TTC34: variants seen among roughly 807,000 people sequenced by gnomAD.
TTC34 encodes tetratricopeptide repeat domain 34.
TTC34 carries 44 observed loss-of-function variants against 40.7 expected under a neutral mutation model. The ratio of observed to expected loss-of-function variants is 1.08; its 90% CI spans 0.85 to 1.39. The LOEUF (loss-of-function observed/expected upper bound fraction) is 1.39. TTC34 is among the 40% of genes most tolerant of loss of function. The pLI is 0.00. For synonymous variants in TTC34, 422 were observed against 398.6 expected, an observed-to-expected ratio of 1.06 and a Z score of -0.70; for missense variants, 884 against 838.0, an observed-to-expected ratio of 1.05 and a Z score of -0.68.
chr1:2,639,511 G>A, exon 9 of TTC34: 1 of 152,712 alleles, frequency 6.5e-6, no homozygotes, highest in Non-Finnish European at 1.5e-5. Context: ...TGCCTCCTCT[G>A]CCTCAGTGCC....
chr1:2,698,908 A>G (rs1337794638), intron 6 of TTC34, among the ~76,000 whole-genome samples: 1 of 128,822 alleles, frequency 7.8e-6, no homozygotes, highest in Non-Finnish European at 1.7e-5. Flanking sequence ...AGCATCTGAC[A>G]GCCTGGAGTA....
intron 6 of TTC34, among the ~76,000 whole-genome samples, chr1:2,682,826 ACACCCCCAGGCGAG>A (rs1640137993): frequency 7.0e-6 from 1 of 143,698 alleles, no homozygotes; most frequent in Non-Finnish European, 1.5e-5. Flanking sequence ...AACAGCACAC[ACACCCCCAGGCGAG>A]CATCTGACAA....
intron 5 of TTC34, 51 bp from the exon 6 acceptor site, chr1:2,783,826 C>T: frequency 7.2e-7 from 1 of 1,395,108 alleles, no homozygotes; most frequent in South Asian, 1.7e-5. Flanking sequence ...GGTCCCTTCC[C>T]CAGCATCTAT....
Position 2,645,489 on chromosome 1 carries a change from CT to C in TTC34, c.2300del (p.Lys767SerfsTer20). 1.3e-6 allele frequency: 2 copies of C among 1,516,652 alleles called. No homozygotes were observed. The highest frequency in any genetic ancestry group is 1.8e-6 in the Non-Finnish European group (2 of 1,138,358). The allele number at this position is 1,516,652 out of a possible 1,614,324, so 93.9% of individuals were successfully genotyped here. A position where few individuals can be genotyped will look rare whatever the true frequency, so the allele number is the denominator to read the frequency against. Reference sequence around the variant, plus strand: ...GTGTGATGAGGGCCTGGGCTTCCGGCTTCAGAGAGCGGAGCTCAGGGACCAC... The same window carrying C: ...GTGTGATGAGGGCCTGGGCTTCCGGCTCAGAGAGCGGAGCTCAGGGACCAC... On this transcript the variant is annotated frameshift_variant, in exon 7 of 9. Transcript: ENST00000401095. LOFTEE classifies it high-confidence loss of function. This position sits in a 1 kb window ranked among gnomAD's most constrained non-coding sequence, Gnocchi z 4.7.
intron 2 of TTC34, among the ~76,000 whole-genome samples, chr1:2,799,026 C>G (rs543816391): frequency 6.8e-6 from 1 of 146,576 alleles, no homozygotes; most frequent in Non-Finnish European, 1.5e-5. Flanking sequence ...TCCAAGCCTC[C>G]CAGCCCCCTA....
chr1:2,752,743 A>C (rs1474050771), intron 6 of TTC34, among the ~76,000 whole-genome samples: 10 of 115,648 alleles, frequency 8.6e-5, no homozygotes, highest in African/African-American at 2.3e-4. Flanking sequence ...CCCCCAGGAC[A>C]GCATCTGACA....
rs1407524105 is a variant in TTC34, at chr1:2,749,759, C to T, written c.2226+33850G>A. On this transcript the variant is annotated intron_variant, in intron 6 of 8. Transcript: ENST00000401095. ...AGCATCTGACAGACTGGAACAGCTC[C>T]CACACCCCCAGGCGAGCATCTGACA... 7.9e-5 allele frequency among the ~76,000 whole-genome samples: 6 copies of T among 76,248 alleles called. 1 individual carries two copies. Among genetic ancestry groups the T allele is most frequent in the Admixed American group, 6.5e-4 (5 of 7,740 alleles). The allele number at this position is 76,248 out of a possible 152,430, so 50.0% of individuals were successfully genotyped here. A position where few individuals can be genotyped will look rare whatever the true frequency, so the allele number is the denominator to read the frequency against.
chr1:2,641,667 A>T, exon 9 of TTC34: 2 of 1,535,396 alleles, frequency 1.3e-6, no homozygotes, highest in Non-Finnish European at 1.7e-6. Flanking sequence ...CCCTGACGGC[A>T]GAAGTCCTCT....
exon 6 of TTC34, chr1:2,783,732 A>G: frequency 6.5e-7 from 1 of 1,543,030 alleles, no homozygotes; most frequent in African/African-American, 1.4e-5. Flanking sequence ...CCAGGAACCC[A>G]TAGCAGCGGG....
intron 6 of TTC34, among the ~76,000 whole-genome samples, chr1:2,779,927 G>T (rs1227663506): frequency 6.6e-6 from 1 of 151,746 alleles, no homozygotes; most frequent in Non-Finnish European, 1.5e-5. Flanking sequence ...TTTTTTGAAT[G>T]ACACAGTGAA....
Position 2,645,676 on chromosome 1 carries a change from G to T in TTC34, c.2227-113C>A. 8.8e-7 allele frequency: 1 copy of T among 1,131,950 alleles called. No homozygotes were observed. Among genetic ancestry groups the T allele is most frequent in the Non-Finnish European group, 1.2e-6 (1 of 855,490 alleles). 70.1% of individuals were successfully genotyped at this position (1,131,950 alleles called of 1,614,324 possible). A position where few individuals can be genotyped will look rare whatever the true frequency, so the allele number is the denominator to read the frequency against. ...TTCTCATTCCCTGATCTTCTCCCTG[G>T]GGTCCTAGAGGGTCTGAACACCCAG... is the stretch of plus-strand genomic sequence containing the variant. On this transcript the variant is annotated intron_variant, in intron 6 of 8. Transcript: ENST00000401095. The surrounding 1 kb of genome is among the most constrained non-coding windows in gnomAD (Gnocchi z 4.7).
intron 6 of TTC34, among the ~76,000 whole-genome samples, chr1:2,759,997 CACAACCACAGG>C (rs1641642925): frequency 8.5e-4 from 26 of 30,454 alleles, no homozygotes; most frequent in East Asian, 2.1e-3. Flanking sequence ...GAGAAGCACC[CACAACCACAGG>C]TGAGCATCGG....
chr1:2,693,637 G>A (rs568102122), intron 6 of TTC34, among the ~76,000 whole-genome samples: 1 of 73,674 alleles, frequency 1.4e-5, no homozygotes, highest in African/African-American at 5.2e-5. Flanking sequence ...CCCCAGGCGA[G>A]CATCTGACAG....
chr1:2,759,676 CA>C (rs1641628486), intron 6 of TTC34, among the ~76,000 whole-genome samples: 2 of 121,208 alleles, frequency 1.7e-5, no homozygotes, highest in Admixed American at 7.9e-5. Context: ...GCAGCACCAA[CA>C]ACCCCAGGCT....
chr1:2,677,999 A>T (rs1350347166), intron 6 of TTC34, among the ~76,000 whole-genome samples: 2 of 39,446 alleles, frequency 5.1e-5, no homozygotes, highest in Non-Finnish European at 8.7e-5. Flanking sequence ...GATGACCTGG[A>T]GCAGCACCCA....
At chr1:2,758,376 G>C (rs1641575486) in intron 6 of TTC34, among the ~76,000 whole-genome samples, 1 of 74,368 alleles carries the variant, frequency 1.3e-5, no homozygotes, top group Non-Finnish European at 2.3e-5. Context: ...GCATCTGACA[G>C]CCTGGAACAG....
chr1:2,687,920 C>G, intron 6 of TTC34, among the ~76,000 whole-genome samples: 1 of 148,204 alleles, frequency 6.7e-6, no homozygotes, highest in Non-Finnish European at 1.5e-5. Flanking sequence ...TGGAACAGCA[C>G]CCACACGCCC....
At chr1:2,685,148 A>T (rs1229246696) in intron 6 of TTC34, among the ~76,000 whole-genome samples, 1 of 143,064 alleles carries the variant, frequency 7.0e-6, no homozygotes, top group Non-Finnish European at 1.5e-5. Flanking sequence ...GGCCTGGAAC[A>T]GCACCCACAA....
chr1:2,698,930 C>A (rs1379395169), intron 6 of TTC34, among the ~76,000 whole-genome samples: 3 of 137,308 alleles, frequency 2.2e-5, no homozygotes, highest in East Asian at 2.3e-4. Flanking sequence ...TATCCTGCAC[C>A]CTCAGGTGAG....
Sources: allele counts gnomAD v4.1 joint callset (sites outside exome capture counted in the v4.1 genomes callset), GRCh38; gene constraint gnomAD v4.1.1; non-coding constraint Gnocchi (gnomAD v3.1); transcripts MANE v1.5; gene names NCBI Gene and HGNC (gene_info 2026-07-23, HGNC 2026-07-21).